The following RNF169 variants were observed in gnomAD, a reference collection of about 807,000 sequenced individuals.
RNF169 encodes the protein ring finger protein 169.
RNF169 carries 24 observed loss-of-function variants against 53.9 expected under a neutral mutation model. The ratio of observed to expected loss-of-function variants is 0.45; its 90% CI spans 0.32 to 0.63. The LOEUF (loss-of-function observed/expected upper bound fraction) is 0.63, where lower values mean the gene tolerates loss of function less well. Ranked by LOEUF, RNF169 falls within the 20% of genes least tolerant of loss-of-function variation. RNF169 has a pLI of 0.04. For missense variants in RNF169, 883 were observed against 906.2 expected, an observed-to-expected ratio of 0.97 and a Z score of 0.33; for synonymous variants, 396 against 363.5, an observed-to-expected ratio of 1.09 and a Z score of -1.02.
In RNF169 at chr11:74,749,224, G is replaced by A. The variant is rs1311134811; in HGVS notation, c.344G>A (p.Arg115His). The A allele has an allele frequency of 9.3e-6, 10 of 1,078,802 alleles. No individual in the cohort carries two copies. In the East Asian group the frequency reaches 4.0e-4, roughly 44 times the overall value. The allele number at this position is 1,078,802 out of a possible 1,614,324, so 66.8% of individuals were successfully genotyped here. Residue 115 changes from arginine to histidine, a missense_variant, in exon 1 of 6, where the codon CGC becomes CAC. Around this residue, in one of 3 missense-constraint regions of RNF169, gnomAD observed 313 missense variants for 279.9 expected, o/e 1.12. Coordinates refer to ENST00000299563, the MANE Select transcript of RNF169 (RefSeq NM_001098638.2). ...RCRARGPGWA[R>H]RRARDDGQAD... ...CGCGCCCGCGGCCCAGGCTGGGCCC[G>A]CCGTCGGGCCCGCGACGACGGCCAG... is the stretch of plus-strand genomic sequence containing the variant.
intron 4 of RNF169, among the ~76,000 whole-genome samples, chr11:74,833,515 ACT>A (rs562012452): frequency 1.9e-3 from 282 of 152,100 alleles, no homozygotes; most frequent in African/African-American, 6.6e-3. Flanking sequence ...GTTATGAAGA[ACT>A]CTCTCCTTTA....
intron 1 of RNF169, among the ~76,000 whole-genome samples, chr11:74,772,175 C>G (rs976622864): frequency 2.3e-5 from 3 of 128,858 alleles, no homozygotes; most frequent in African/African-American, 1.2e-4. Context: ...AAAAATTGGT[C>G]TTTTTTAAAA....
intron 4 of RNF169, among the ~76,000 whole-genome samples, chr11:74,819,778 C>T (rs1262225239): frequency 6.6e-6 from 1 of 152,138 alleles, no homozygotes; most frequent in African/African-American, 2.4e-5. Flanking sequence ...TATGAAGTTG[C>T]TTTTTAGCCT....
intron 1 of RNF169, among the ~76,000 whole-genome samples, chr11:74,754,468 C>T (rs1429336933): frequency 6.6e-6 from 1 of 152,134 alleles, no homozygotes; most frequent in East Asian, 1.9e-4. Flanking sequence ...GCTGGTGAAT[C>T]TTTTAAATTG....
At chr11:74,819,622 A>C (rs1317584059) in intron 4 of RNF169, among the ~76,000 whole-genome samples, 4 of 152,204 alleles carry the variant, frequency 2.6e-5, no homozygotes, top group African/African-American at 9.6e-5. Flanking sequence ...GTCAGAACTG[A>C]CTGTCAAACA....
chr11:74,817,601 T>G lies in RNF169; in HGVS notation c.729T>G (p.Pro243=). ...CTCCCTTGTCTCCCTGCCAGTGTCC[T>G]GCACGTCTCTCAGATTCAGAGAATG... ...LVLKTNLERC[P]ARLSDSENEE... is the part of the protein sequence containing the mutation. Residue 243 remains proline (P), a synonymous_variant, in exon 4 of 6, where the codon CCT becomes CCG. Transcript: ENST00000299563. 6.2e-7 allele frequency: 1 copy of G among 1,606,976 alleles called. No homozygotes were observed. Among genetic ancestry groups the G allele is most frequent in the Non-Finnish European group, 8.5e-7 (1 of 1,173,444 alleles).
At chr11:74,785,210 G>A (rs1239181716) in intron 1 of RNF169, among the ~76,000 whole-genome samples, 1 of 63,346 alleles carries the variant, frequency 1.6e-5, no homozygotes, top group East Asian at 4.1e-4. Context: ...ATATATATAT[G>A]ATATATATAT....
intron 1 of RNF169, among the ~76,000 whole-genome samples, chr11:74,757,086 C>T (rs1214496508): frequency 7.1e-6 from 1 of 140,448 alleles, no homozygotes; most frequent in Non-Finnish European, 1.5e-5. Context: ...CATGCTGGTG[C>T]GCTGCACCCA....
At chr11:74,772,672 TAATG>T (rs1429983978) in intron 1 of RNF169, among the ~76,000 whole-genome samples, 1 of 152,136 alleles carries the variant, frequency 6.6e-6, no homozygotes, top group Non-Finnish European at 1.5e-5. Context: ...GTGGAGATAA[TAATG>T]GTAACAGCCT....
At position 74,812,219 on chromosome 11, in the gene RNF169, C is replaced by T. The variant is rs1242600794; in HGVS notation, c.723+1889C>T. Among the ~76,000 whole-genome samples, 8 of 152,256 alleles carry T rather than the reference C, an allele frequency of 5.3e-5. No individual in the cohort carries two copies. The East Asian group carries it at 1.5e-3, about 29-fold the overall frequency. ...GTTTTACAAATGCATTGAATAAAAT[C>T]TGACCTATGAATGTGTCAAGTTTTA... On this transcript the variant is annotated intron_variant, in intron 3 of 5. Coordinates refer to ENST00000299563, the MANE Select transcript of RNF169 (RefSeq NM_001098638.2).
chr11:74,836,508 C>T lies in RNF169; in HGVS notation c.1905C>T (p.Gly635=), dbSNP rs373117010. 3 of 1,614,146 alleles carry T rather than the reference C, an allele frequency of 1.9e-6. No homozygotes were observed. The East Asian group carries it at 6.7e-5, about 36-fold the overall frequency. The change falls in exon 6 of 6, where the codon GGC becomes GGT. Residue 635 remains glycine, a synonymous_variant. Coordinates refer to ENST00000299563, the MANE Select transcript of RNF169 (RefSeq NM_001098638.2). ...HCKTKHLEQN[G]SLKKLRQTSG... ...AGACCAAGCACTTAGAACAAAATGG[C>T]TCCCTTAAAAAACTGCGACAAACCA...
intron 2 of RNF169, among the ~76,000 whole-genome samples, chr11:74,801,673 A>C (rs1358346519): frequency 2.0e-5 from 3 of 152,254 alleles, no homozygotes; most frequent in African/African-American, 7.2e-5. Context: ...TAAGCTAGGC[A>C]CAGTGGTGCA....
intron 2 of RNF169, 111 bp downstream of exon 2, chr11:74,789,810 T>G (rs1045839788): frequency 1.6e-6 from 1 of 639,094 alleles, no homozygotes; most frequent in African/African-American, 1.8e-5. Context: ...ATGCAGAGCC[T>G]TTCTTCACAC....
At chr11:74,763,626 A>C (rs1173555979) in intron 1 of RNF169, among the ~76,000 whole-genome samples, 2 of 152,224 alleles carry the variant, frequency 1.3e-5, no homozygotes, top group African/African-American at 4.8e-5. Context: ...GGACATAGAC[A>C]TGAGGAAATT....
At chr11:74,753,371 A>G (rs1811095933) in intron 1 of RNF169, among the ~76,000 whole-genome samples, 1 of 152,232 alleles carries the variant, frequency 6.6e-6, no homozygotes, top group Admixed American at 6.5e-5. Context: ...TAGTAGATGA[A>G]AAAGGGTCAA....
At chr11:74,809,770 T>C (rs1048837683) in intron 2 of RNF169, among the ~76,000 whole-genome samples, 9 of 152,376 alleles carry the variant, frequency 5.9e-5, no homozygotes, top group African/African-American at 1.9e-4. Context: ...AGTCACTCTT[T>C]TGTTGCCAAG....
At chr11:74,786,326 G>A (rs937798184) in intron 1 of RNF169, among the ~76,000 whole-genome samples, 2 of 150,898 alleles carry the variant, frequency 1.3e-5, no homozygotes, top group African/African-American at 4.9e-5. Flanking sequence ...TCAAACTCCT[G>A]GGCTCGAGCA....
rs761133516 is a variant in RNF169 at position 74,836,510 on chromosome 11, C to G, written c.1907C>G (p.Ser636Cys). 71 of 1,614,032 alleles carry G rather than the reference C, an allele frequency of 4.4e-5. No individual in the cohort carries two copies. The highest frequency in any genetic ancestry group is 5.2e-5 in the Non-Finnish European group (61 of 1,180,034). The change falls in exon 6 of 6, where the codon TCC (serine) becomes TGC (cysteine). Residue 636 changes from serine (S) to cysteine (C), a missense_variant. Ser to Cys is a moderately radical substitution (Grantham distance 112, BLOSUM62 -1). This residue lies in a region of RNF169 where 351 missense variants were observed against 337.3 expected (regional missense o/e 1.04). Coordinates refer to ENST00000299563, the MANE Select transcript of RNF169 (RefSeq NM_001098638.2). ...ACCAAGCACTTAGAACAAAATGGCT[C>G]CCTTAAAAAACTGCGACAAACCAGT... The part of the protein sequence containing the change: ...CKTKHLEQNG[S>C]LKKLRQTSGE...
At chr11:74,813,367 TA>T (rs1013552724) in intron 3 of RNF169, among the ~76,000 whole-genome samples, 21 of 152,368 alleles carry the variant, frequency 1.4e-4, no homozygotes, top group Admixed American at 1.0e-3. Context: ...TATCATCTGT[TA>T]TTTTTTTAGA....
Sources: gnomAD v4.1 joint callset for allele counts (sites outside exome capture counted in the v4.1 genomes callset) on GRCh38, gnomAD v4.1.1 for gene constraint, gnomAD v4.1.1 regional missense constraint, MANE v1.5 for transcripts, NCBI Gene and HGNC (gene_info 2026-07-23, HGNC 2026-07-21) for gene names.